Variants in RBFOX3 observed in about 807,000 individuals in gnomAD.
The protein encoded by RBFOX3 is RNA binding protein fox-1 homolog 3.
RBFOX3 carries 17 observed loss-of-function variants against 48.7 expected under a neutral mutation model. The observed-to-expected ratio is 0.35, with a 90% CI of 0.24 to 0.52. The LOEUF (loss-of-function observed/expected upper bound fraction) is 0.52. RBFOX3 is among the 20% of genes least tolerant of loss of function. The pLI is 0.94. For missense variants in RBFOX3, 382 were observed against 497.5 expected, an observed-to-expected ratio of 0.77 and a Z score of 2.21; for synonymous variants, 212 against 209.5, an observed-to-expected ratio of 1.01 and a Z score of -0.10.
chr17:79,411,409 G>A (rs542459973), intron 2 of RBFOX3, among the ~76,000 whole-genome samples: 3 of 152,218 alleles, frequency 2.0e-5, no homozygotes, highest in South Asian at 2.1e-4. Flanking sequence ...GCCTCTGCAC[G>A]CACCGTCCCT....
At chr17:79,652,295 A>G in the RBFOX3 span, among the ~76,000 whole-genome samples, 22 of 152,088 alleles carry the variant, frequency 1.4e-4, no homozygotes, top group African/African-American at 4.8e-4. Flanking sequence ...GAGAACAAGA[A>G]TGTTTGCAAG....
intron 2 of RBFOX3, among the ~76,000 whole-genome samples, chr17:79,476,932 A>T (rs2077865937): frequency 6.6e-6 from 1 of 152,022 alleles, no homozygotes; most frequent in African/African-American, 2.4e-5. Flanking sequence ...AGGAGACGGA[A>T]GAGGAAGAAG....
intron 3 of RBFOX3, among the ~76,000 whole-genome samples, chr17:79,247,356 A>G (rs1273967713): frequency 1.5e-5 from 2 of 131,824 alleles, no homozygotes; most frequent in Admixed American, 1.8e-4. Flanking sequence ...TCTGTCACCC[A>G]GGCTGGAGTG....
At chr17:79,434,027 G>T (rs1021944450) in intron 2 of RBFOX3, among the ~76,000 whole-genome samples, 1 of 152,154 alleles carries the variant, frequency 6.6e-6, no homozygotes, top group Non-Finnish European at 1.5e-5. Flanking sequence ...GCCTCCTGGC[G>T]CTCAGGAACA....
chr17:79,274,025 G>A lies in RBFOX3; in HGVS notation c.-74+33699C>T, dbSNP rs56142599. On this transcript the variant is annotated intron_variant, in intron 3 of 14. Transcript: ENST00000693108. ...CGCCACCCTGGCCTTGTGGAGAGAC[G>A]GTTAGGTGTCAGCAGAGCTGCTGAG... Among the ~76,000 whole-genome samples, 366 of 152,274 alleles carry A rather than the reference G, an allele frequency of 2.4e-3. 2 individuals are homozygous for A. The highest frequency in any genetic ancestry group is 8.3e-3 in the African/African-American group (345 of 41,556).
intron 4 of RBFOX3, among the ~76,000 whole-genome samples, chr17:79,193,889 T>C (rs2146559955): frequency 6.7e-6 from 1 of 150,372 alleles, no homozygotes; most frequent in African/African-American, 2.5e-5. Context: ...TGGAAACCAC[T>C]GGGGGAGGTA....
chr17:79,522,907 G>T (rs1341009251), intron 1 of RBFOX3, among the ~76,000 whole-genome samples: 3 of 138,096 alleles, frequency 2.2e-5, no homozygotes, highest in African/African-American at 5.6e-5. Flanking sequence ...TCCAGCCTGG[G>T]TGACAGAGCA....
chr17:79,250,474 T>G (rs1600223899), intron 3 of RBFOX3, among the ~76,000 whole-genome samples: 2 of 152,354 alleles, frequency 1.3e-5, no homozygotes, highest in African/African-American at 2.4e-5. Context: ...ATTTTTGTTG[T>G]AGGAGGAGTT....
At position 79,472,599 on chromosome 17, in the gene RBFOX3, C is replaced by G. The variant is rs900196126; in HGVS notation, c.-175+9855G>C. ...AAGCCTTCAAGGAAACCAATGCTGC[C>G]AACAGCTTGATCTTAGACTTCTGGC... On this transcript the variant is annotated intron_variant, in intron 2 of 14. Transcript: ENST00000693108. Among the ~76,000 whole-genome samples the G allele has an allele frequency of 8.9e-4, 135 of 152,326 alleles. 1 individual carries two copies. Among genetic ancestry groups the G allele is most frequent in the African/African-American group, 3.1e-3 (127 of 41,578 alleles).
chr17:79,334,636 T>C (rs1394981394), intron 2 of RBFOX3, among the ~76,000 whole-genome samples: 1 of 152,190 alleles, frequency 6.6e-6, no homozygotes, highest in African/African-American at 2.4e-5. Context: ...CTGGAGCCCA[T>C]CTGTGAGGCC....
intron 4 of RBFOX3, among the ~76,000 whole-genome samples, chr17:79,176,543 C>T (rs1043606701): frequency 3.9e-5 from 6 of 152,252 alleles, no homozygotes; most frequent in Non-Finnish European, 5.9e-5. Flanking sequence ...ATTCCAGCTG[C>T]GCTGGTGACA....
At chr17:79,544,480 AAGAGG>A (rs1379847451) in intron 1 of RBFOX3, among the ~76,000 whole-genome samples, 7 of 152,052 alleles carry the variant, frequency 4.6e-5, no homozygotes, top group South Asian at 4.1e-4. Flanking sequence ...GCACAGAATG[AAGAGG>A]AGAGAAGAGA....
chr17:79,131,812 C>G (rs1339782491), intron 4 of RBFOX3, among the ~76,000 whole-genome samples: 1 of 152,168 alleles, frequency 6.6e-6, no homozygotes, highest in Non-Finnish European at 1.5e-5. Flanking sequence ...GGCCCCGAAT[C>G]CTGCCCGGCC....
intron 2 of RBFOX3, among the ~76,000 whole-genome samples, chr17:79,376,603 C>T (rs1164112083): frequency 1.3e-5 from 2 of 152,174 alleles, no homozygotes; most frequent in Admixed American, 6.5e-5. Flanking sequence ...AGGGCATCCC[C>T]GGCCCAGCCC....
At chr17:79,608,931 C>T (rs2093904244) in intron 1 of RBFOX3, among the ~76,000 whole-genome samples, 1 of 151,658 alleles carries the variant, frequency 6.6e-6, no homozygotes, top group Admixed American at 6.6e-5. Flanking sequence ...CCTCCGCCCC[C>T]GCCATGCCGC....
intron 2 of RBFOX3, among the ~76,000 whole-genome samples, chr17:79,321,768 C>A (rs2146033131): frequency 6.7e-6 from 1 of 149,484 alleles, no homozygotes; most frequent in African/African-American, 2.5e-5. Context: ...TGCAGTGGCA[C>A]AATTTTGGCT....
At chr17:79,634,452 C>G in the RBFOX3 span, among the ~76,000 whole-genome samples, 74 of 152,300 alleles carry the variant, frequency 4.9e-4, no homozygotes, top group Admixed American at 1.8e-3. Flanking sequence ...CTGGGCCAAC[C>G]AACTATGGAC....
chr17:79,305,678 G>A (rs1359622378), intron 3 of RBFOX3, among the ~76,000 whole-genome samples: 1 of 152,246 alleles, frequency 6.6e-6, no homozygotes, highest in Non-Finnish European at 1.5e-5. Flanking sequence ...TGGGGTGGGG[G>A]CTGTACCAGC....
At chr17:79,130,493 C>T (rs1300898118) in intron 4 of RBFOX3, among the ~76,000 whole-genome samples, 1 of 152,232 alleles carries the variant, frequency 6.6e-6, no homozygotes, top group Non-Finnish European at 1.5e-5. Context: ...CTGCCACCGC[C>T]CTCTGCCAGG....
Sources: gnomAD v4.1 joint callset for allele counts (sites outside exome capture counted in the v4.1 genomes callset) on GRCh38, gnomAD v4.1.1 for gene constraint, MANE v1.5 for transcripts, NCBI Gene and HGNC (gene_info 2026-07-23, HGNC 2026-07-21) for gene names.